Variants in BCAP29 observed in about 807,000 individuals in gnomAD.
BCAP29 encodes B-cell receptor-associated protein 29.
A neutral mutation model predicts 31.8 loss-of-function variants in BCAP29; 34 were observed. The ratio of observed to expected loss-of-function variants is 1.07; its 90% CI spans 0.81 to 1.42. The LOEUF (loss-of-function observed/expected upper bound fraction) is 1.42. BCAP29 is among the 40% of genes most tolerant of loss of function. The pLI is 0.00. For missense variants in BCAP29, 314 were observed against 269.2 expected (o/e 1.17, Z -1.16); for synonymous variants, 104 against 91.3 (o/e 1.14, Z -0.79).
At chr7:107,588,115 A>G (rs757728024) in intron 3 of BCAP29, among the ~76,000 whole-genome samples, 3 of 152,202 alleles carry the variant, frequency 2.0e-5, no homozygotes, top group Non-Finnish European at 4.4e-5. Context: ...TGAAATCTGA[A>G]ACTTTATAAT....
rs139945433 is a variant in BCAP29 at position 107,618,486 on chromosome 7, A to T, written c.*123A>T. The T allele has an allele frequency of 5.1e-5, 82 of 1,612,760 alleles. No homozygotes were observed. In the African/African-American group the frequency reaches 1.1e-3, roughly 21 times the overall value. On this transcript the variant is annotated 3_prime_UTR_variant, in exon 8 of 8. Transcript: ENST00000005259. ...GTTCGTAATTTTTTTAATGCCACAC[A>T]TAGGTTGTATTGTAATGGCATTATC...
At chr7:107,594,154 C>T (rs1379255716) in intron 4 of BCAP29, 49 bp downstream of exon 4, 1 of 1,490,786 alleles carries the variant, frequency 6.7e-7, no homozygotes. Context: ...ATGACTTATG[C>T]TTTCCTTTCT....
chr7:107,595,573 G>A (rs1449240814), intron 4 of BCAP29, among the ~76,000 whole-genome samples: 1 of 152,134 alleles, frequency 6.6e-6, no homozygotes, highest in African/African-American at 2.4e-5. Flanking sequence ...CTGTCACACT[G>A]TCTGAAATTT....
At chr7:107,600,110 C>T (rs557643070) in intron 5 of BCAP29, 32 of 360,550 alleles carry the variant, frequency 8.9e-5, no homozygotes, top group South Asian at 3.7e-4. Flanking sequence ...GAAAGACTGA[C>T]GTTATTTACC....
In BCAP29 at chr7:107,618,403, A is replaced by G. The variant is rs141644610; in HGVS notation, c.*40A>G. On this transcript the variant is annotated 3_prime_UTR_variant, in exon 8 of 8. Coordinates refer to ENST00000005259, the MANE Select transcript of BCAP29 (RefSeq NM_018844.4). ...ACTTGCAATATACTGTGTCAAAATGATAATTTTGTTATGTTAGCCTCTAGA... is the reference window on the plus strand; with the variant it reads ...ACTTGCAATATACTGTGTCAAAATGGTAATTTTGTTATGTTAGCCTCTAGA... 1.2e-6 allele frequency: 2 copies of G among 1,612,206 alleles called. No homozygotes were observed. The highest frequency in any genetic ancestry group is 1.7e-5 in the Admixed American group (1 of 59,954).
At chr7:107,621,626 A>G (rs1329088239), downstream of BCAP29, 2 of 457,166 alleles carry the variant, frequency 4.4e-6, no homozygotes, top group Admixed American at 4.8e-5. Flanking sequence ...CTATGCTTAT[A>G]TAGAAGCAAA....
In BCAP29 at chr7:107,594,047, A is replaced by T. The variant is rs139180117; in HGVS notation, c.286A>T (p.Lys96Ter). ...TGATGCCTATGAACACACACAGATG[A>T]AACTTTTTAGGTCTCAAAGAAATCT... ...RPDAYEHTQM[K>*]LFRSQRNLYI... Residue 96 changes from lysine (K) to a stop codon, truncating the protein, a stop_gained, in exon 4 of 8, where the codon AAA becomes TAA. Transcript: ENST00000005259. LOFTEE classifies it high-confidence loss of function. The T allele has an allele frequency of 6.2e-7, 1 of 1,613,958 alleles. No individual in the cohort carries two copies. Among genetic ancestry groups the T allele is most frequent in the African/African-American group, 1.3e-5 (1 of 75,044 alleles).
intron 6 of BCAP29, among the ~76,000 whole-genome samples, chr7:107,601,737 A>G (rs1011042263): frequency 6.6e-6 from 1 of 152,246 alleles, no homozygotes; most frequent in African/African-American, 2.4e-5. Flanking sequence ...CCTGCATAAA[A>G]TATTGCTACC....
intron 2 of BCAP29, among the ~76,000 whole-genome samples, chr7:107,583,225 G>A (rs1295092109): frequency 6.6e-6 from 1 of 151,674 alleles, no homozygotes; most frequent in Non-Finnish European, 1.5e-5. Context: ...TGTTTATACT[G>A]TTCAATCCAC....
chr7:107,622,864 C>G (rs1000858358), downstream of BCAP29: 3 of 152,184 alleles, frequency 2.0e-5, no homozygotes, highest in Admixed American at 6.5e-5. Context: ...GCAGTAGATG[C>G]TTGTGGCAGA....
At position 107,580,935 on chromosome 7, in the gene BCAP29, G is replaced by A. The variant is rs149125397; in HGVS notation, c.92+71G>A. On this transcript the variant is annotated intron_variant, in intron 2 of 7. Coordinates refer to ENST00000005259, the MANE Select transcript of BCAP29 (RefSeq NM_018844.4). ...TAATGTAAAATGGAAAAAGTTTTCTGAACATTAAAAAGTTTCGAAAGTCTT... is the reference window on the plus strand; with the variant it reads ...TAATGTAAAATGGAAAAAGTTTTCTAAACATTAAAAAGTTTCGAAAGTCTT... 2.0e-4 allele frequency: 239 copies of A among 1,197,800 alleles called. 2 individuals carry two copies. In the African/African-American group the frequency reaches 3.5e-3, roughly 18 times the overall value. 74.2% of individuals were successfully genotyped at this position (1,197,800 alleles called of 1,614,324 possible).
chr7:107,604,022 A>G (rs1811644310), intron 6 of BCAP29, among the ~76,000 whole-genome samples: 1 of 152,136 alleles, frequency 6.6e-6, no homozygotes, highest in Admixed American at 6.5e-5. Context: ...CAAACTTTAA[A>G]TAAATTTCTT....
chr7:107,608,486 G>A (rs2129278695), intron 6 of BCAP29, among the ~76,000 whole-genome samples: 1 of 151,302 alleles, frequency 6.6e-6, no homozygotes, highest in East Asian at 1.9e-4. Context: ...TTGTTTGTTT[G>A]TTTCATTTTT....
rs183473100 is a variant in BCAP29, at chr7:107,595,005, A to T, written c.345-862A>T. On this transcript the variant is annotated intron_variant, in intron 4 of 7. Coordinates refer to ENST00000005259, the MANE Select transcript of BCAP29 (RefSeq NM_018844.4). ...ACAGACCTTCACCATTTATTCATTC[A>T]TTCCATCTTGCAACAGATATTGATT... 4.5e-3 allele frequency among the ~76,000 whole-genome samples: 680 copies of T among 152,214 alleles called. 3 individuals are homozygous for T. The highest frequency in any genetic ancestry group is 0.016 in the African/African-American group (651 of 41,518).
At chr7:107,599,392 C>T (rs1481454304) in intron 5 of BCAP29, among the ~76,000 whole-genome samples, 4 of 132,368 alleles carry the variant, frequency 3.0e-5, no homozygotes, top group African/African-American at 1.1e-4. Context: ...TGGTGGCACA[C>T]GCCTATAGTC....
intron 3 of BCAP29, 37 bp from the exon 4 acceptor site, chr7:107,593,918 A>G: frequency 6.5e-7 from 1 of 1,548,524 alleles, no homozygotes; most frequent in South Asian, 1.2e-5. Context: ...TATATTCGTA[A>G]AAGCCAAAAG....
downstream of BCAP29, chr7:107,621,196 A>C (rs1469621205): frequency 6.3e-6 from 1 of 158,290 alleles, no homozygotes; most frequent in East Asian, 1.8e-4. Flanking sequence ...AGTGCCCACT[A>C]TACAATGTGT....
intron 3 of BCAP29, among the ~76,000 whole-genome samples, chr7:107,586,148 C>T (rs1258006994): frequency 6.6e-6 from 1 of 152,188 alleles, no homozygotes; most frequent in Non-Finnish European, 1.5e-5. Flanking sequence ...TGGCCATATA[C>T]ATTTTTCCTA....
At chr7:107,599,163 A>G (rs867225181) in intron 5 of BCAP29, among the ~76,000 whole-genome samples, 59 of 116,448 alleles carry the variant, frequency 5.1e-4, no homozygotes, top group African/African-American at 1.9e-3. Flanking sequence ...ATATTTATAA[A>G]TATATAAATA....
Sources: gnomAD v4.1 joint callset for allele counts (sites outside exome capture counted in the v4.1 genomes callset) on GRCh38, gnomAD v4.1.1 for gene constraint, MANE v1.5 for transcripts, NCBI Gene and HGNC (gene_info 2026-07-23, HGNC 2026-07-21) for gene names.